Variants in SPMIP9 observed in about 807,000 individuals in gnomAD.
SPMIP9 encodes the protein sperm microtubule inner protein 9.
At chr2:88,529,570 A>C in the SPMIP9 span, 23 of 1,167,996 alleles carry the variant, frequency 2.0e-5, no homozygotes, top group Admixed American at 7.9e-5. Flanking sequence ...AAAACTGGAA[A>C]GATGTTCCAA....
chr2:88,529,369 G>A, the SPMIP9 span: 2 of 1,614,092 alleles, frequency 1.2e-6, no homozygotes, highest in South Asian at 2.2e-5. Context: ...CTGCAGAGAT[G>A]GCCAAAGGCT....
At chr2:88,526,652 A>G in the SPMIP9 span, among the ~76,000 whole-genome samples, 2 of 150,932 alleles carry the variant, frequency 1.3e-5, no homozygotes, top group African/African-American at 2.4e-5. Context: ...GTGCATGTGC[A>G]TGTATGTGTG....
chr2:88,527,201 C>T, the SPMIP9 span, among the ~76,000 whole-genome samples: 672 of 152,214 alleles, frequency 4.4e-3, 5 homozygotes, highest in African/African-American at 0.016. Context: ...GGCACAGTGG[C>T]TCACACCTGG....
the SPMIP9 span, among the ~76,000 whole-genome samples, chr2:88,525,939 G>A: frequency 6.6e-6 from 1 of 152,116 alleles, no homozygotes; most frequent in African/African-American, 2.4e-5. Flanking sequence ...TGGGACTGCA[G>A]AGATGTCTAA....
At chr2:88,529,505 C>G in the SPMIP9 span, 2 of 1,570,268 alleles carry the variant, frequency 1.3e-6, no homozygotes, top group Non-Finnish European at 1.7e-6. Context: ...AAAGGCTCTT[C>G]CAAGGGCATG....
At chr2:88,527,656 G>A in the SPMIP9 span, among the ~76,000 whole-genome samples, 2 of 152,054 alleles carry the variant, frequency 1.3e-5, no homozygotes, top group African/African-American at 2.4e-5. Flanking sequence ...CGTATTTGTC[G>A]TTTCTGTATC....
At chr2:88,529,503 T>C in the SPMIP9 span, 1 of 1,575,358 alleles carries the variant, frequency 6.3e-7, no homozygotes, top group South Asian at 1.2e-5. Flanking sequence ...CCAAAGGCTC[T>C]TCCAAGGGCA....
At chr2:88,526,051 T>G in the SPMIP9 span, among the ~76,000 whole-genome samples, 1 of 152,058 alleles carries the variant, frequency 6.6e-6, no homozygotes, top group South Asian at 2.1e-4. Context: ...GGTTTAACTC[T>G]TGGGAGGTGG....
At chr2:88,525,575 G>C in the SPMIP9 span, 1 of 1,594,884 alleles carries the variant, frequency 6.3e-7, no homozygotes, top group Non-Finnish European at 8.6e-7. Flanking sequence ...ACAGCTTGAA[G>C]ATAGTGGCTA....
the SPMIP9 span, among the ~76,000 whole-genome samples, chr2:88,527,581 CATT>C: frequency 6.6e-6 from 1 of 152,258 alleles, no homozygotes; most frequent in East Asian, 1.9e-4. Context: ...TTTTGCTAAA[CATT>C]ATGGCATATT....
At chr2:88,526,373 A>G in the SPMIP9 span, 36 of 1,520,424 alleles carry the variant, frequency 2.4e-5, no homozygotes, top group East Asian at 2.5e-4. Flanking sequence ...TGACGAGGGA[A>G]TCTCTTGTTT....
the SPMIP9 span, among the ~76,000 whole-genome samples, chr2:88,526,729 A>C: frequency 2.0e-5 from 3 of 151,842 alleles, no homozygotes; most frequent in African/African-American, 7.3e-5. Flanking sequence ...CAGTGGCGCG[A>C]TCTCGGCTCA....
At chr2:88,526,522 A>G in the SPMIP9 span, 5 of 1,568,212 alleles carry the variant, frequency 3.2e-6, no homozygotes, top group Non-Finnish European at 4.4e-6. Flanking sequence ...AAGTCCTGTC[A>G]TTCAATCAAC....
the SPMIP9 span, chr2:88,525,563 G>C: frequency 6.4e-7 from 1 of 1,556,050 alleles, no homozygotes; most frequent in Non-Finnish European, 8.9e-7. Context: ...TGCTTGGTTG[G>C]CACAGCTTGA....
At chr2:88,525,140 A>G in the SPMIP9 span, among the ~76,000 whole-genome samples, 1 of 152,184 alleles carries the variant, frequency 6.6e-6, no homozygotes, top group Non-Finnish European at 1.5e-5. Context: ...GGTTCAGAGG[A>G]ACATGTGAGC....
the SPMIP9 span, chr2:88,526,409 CT>C: frequency 6.2e-7 from 1 of 1,612,258 alleles, no homozygotes; most frequent in Non-Finnish European, 8.5e-7. Flanking sequence ...CTTTAGGACC[CT>C]GTGGATTTAG....
the SPMIP9 span, chr2:88,528,916 A>G: frequency 1.6e-5 from 13 of 819,232 alleles, 1 homozygote; most frequent in Admixed American, 2.3e-4. Flanking sequence ...TCTGTTGTAT[A>G]TGTTACCATT....
chr2:88,525,788 G>T, the SPMIP9 span: 2 of 1,021,878 alleles, frequency 2.0e-6, no homozygotes, highest in South Asian at 1.4e-5. Flanking sequence ...ATAGTTTTGG[G>T]TTTTGTGGGT....
chr2:88,525,816 C>G, the SPMIP9 span: 14 of 741,038 alleles, frequency 1.9e-5, no homozygotes, highest in African/African-American at 2.0e-4. Context: ...TTTTTTGGTA[C>G]AAGAAGAAGA....
Sources: gnomAD v4.1 joint callset for allele counts (sites outside exome capture counted in the v4.1 genomes callset) on GRCh38, gnomAD v4.1.1 for gene constraint, MANE v1.5 for transcripts, NCBI Gene and HGNC (gene_info 2026-07-23, HGNC 2026-07-21) for gene names.